Variants in FRMD8 observed in about 807,000 individuals in gnomAD.
FRMD8 encodes FERM domain containing 8.
FRMD8 carries 37 observed loss-of-function variants against 54.2 expected under a neutral mutation model. The ratio of observed to expected loss-of-function variants is 0.68; its 90% CI spans 0.53 to 0.90. The LOEUF is 0.90. FRMD8 is among the 40% of genes least tolerant of loss of function. The pLI is 0.00. For missense variants in FRMD8, 585 were observed against 653.7 expected (o/e 0.89, Z 1.15); for synonymous variants, 246 against 286.9 (o/e 0.86, Z 1.44).
In FRMD8 at chr11:65,400,002, C is replaced by A. The variant is rs1055732786; in HGVS notation, c.927+143C>A. ...GGACCCTGCCTCCGTTGGATGTCCT[C>A]GTAGCCCCTGAGGGTGATCCTGGGT... On this transcript the variant is annotated intron_variant, in intron 8 of 10. Coordinates refer to ENST00000317568, the MANE Select transcript of FRMD8 (RefSeq NM_031904.5). This position sits in a 1 kb window ranked among gnomAD's most constrained non-coding sequence, Gnocchi z 4.3. 8 of 998,040 alleles carry A rather than the reference C, an allele frequency of 8.0e-6. No individual in the cohort carries two copies. 61.8% of individuals were successfully genotyped at this position (998,040 alleles called of 1,614,324 possible). A position where few individuals can be genotyped will look rare whatever the true frequency, so the allele number is the denominator to read the frequency against.
intron 9 of FRMD8, among the ~76,000 whole-genome samples, chr11:65,403,528 G>C (rs2137921546): frequency 6.6e-6 from 1 of 152,284 alleles, no homozygotes; most frequent in Non-Finnish European, 1.5e-5. Context: ...CTGTGAGTTG[G>C]GACAGCTGGG....
At position 65,389,444 on chromosome 11, in the gene FRMD8, C is replaced by T; in HGVS notation, c.169C>T (p.Leu57=). 1.2e-6 allele frequency: 2 copies of T among 1,609,978 alleles called. No individual in the cohort carries two copies. Among genetic ancestry groups the T allele is most frequent in the Admixed American group, 1.7e-5 (1 of 60,028 alleles). Residue 57 remains leucine (L), a synonymous_variant, in exon 3 of 11, where the codon CTG becomes TTG. Transcript: ENST00000317568. ...ENLPSLSAHE[L]HRAVREVLQL... is the part of the protein sequence containing the mutation. ...CCTGCCCTCGCTCAGTGCCCATGAG[C>T]TGCACCGCGCTGTCCGCGAGGTCCT...
chr11:65,376,162 T>C, the FRMD8 span: 1 of 538,288 alleles, frequency 1.9e-6, no homozygotes, highest in Non-Finnish European at 3.3e-6. Flanking sequence ...TGCCTCATGC[T>C]CCCTGTTTCA....
chr11:65,389,678 C>T, intron 3 of FRMD8, 150 bp downstream of exon 3: 1 of 776,114 alleles, frequency 1.3e-6, no homozygotes, highest in Non-Finnish European at 2.0e-6. Context: ...GAGCTGTCCA[C>T]CTGTCTGAGC....
chr11:65,405,004 G>A lies in FRMD8; in HGVS notation c.1212G>A (p.Arg404=). Residue 404 remains arginine, a synonymous_variant, in exon 10 of 11, where the codon CGG becomes CGA. Coordinates refer to ENST00000317568, the MANE Select transcript of FRMD8 (RefSeq NM_031904.5). The part of the protein sequence containing the change: ...SLAPVQRPKL[R]RQGSVVSSRI... The stretch of plus-strand genomic sequence containing the variant: ...CTCCTGTTCAGCGCCCCAAGCTGCG[G>A]AGGCAGGGCAGTGTGGTGTCCAGCC... 3 of 1,613,388 alleles carry A rather than the reference G, an allele frequency of 1.9e-6. No homozygotes were observed. The highest frequency in any genetic ancestry group is 2.5e-6 in the Non-Finnish European group (3 of 1,180,038).
chr11:65,380,903 C>A, the FRMD8 span: 1 of 255,550 alleles, frequency 3.9e-6, no homozygotes, highest in Non-Finnish European at 8.0e-6. Context: ...CTCAGGACAG[C>A]AGGTGAGGTC....
the FRMD8 span, chr11:65,379,194 C>A: frequency 1.5e-6 from 1 of 674,700 alleles, no homozygotes; most frequent in East Asian, 2.9e-5. Context: ...CTTTTGCCCC[C>A]TCTGTTCCCC....
chr11:65,370,759 T>C, the FRMD8 span, among the ~76,000 whole-genome samples: 1 of 150,736 alleles, frequency 6.6e-6, no homozygotes, highest in African/African-American at 2.4e-5. Flanking sequence ...GCTGTGCTGT[T>C]AGGATTGGTA....
upstream of FRMD8, chr11:65,381,839 T>C (rs1368314555): frequency 6.3e-7 from 1 of 1,588,812 alleles, no homozygotes; most frequent in Admixed American, 1.7e-5. Context: ...TCTCTGCTCC[T>C]CCCATGTCAC....
the FRMD8 span, among the ~76,000 whole-genome samples, chr11:65,374,231 ACGTAGTATGGTCCCGG>A: frequency 6.9e-6 from 1 of 144,900 alleles, no homozygotes; most frequent in Non-Finnish European, 1.6e-5. Flanking sequence ...TGAGCACGTG[ACGTAGTATGGTCCCGG>A]CAGGTCTAGC....
Position 65,400,466 on chromosome 11 carries a change from C to T in FRMD8, c.928-258C>T, listed in dbSNP as rs767375851. 5.6e-4 allele frequency among the ~76,000 whole-genome samples: 86 copies of T among 152,332 alleles called. No individual in the cohort carries two copies. The highest frequency in any genetic ancestry group is 3.4e-3 in the Middle Eastern group (1 of 294). On this transcript the variant is annotated intron_variant, in intron 8 of 10. Transcript: ENST00000317568. This position sits in a 1 kb window ranked among gnomAD's most constrained non-coding sequence, Gnocchi z 4.3. ...ACTCCGCTTCCCCACCTGCCTCCTC[C>T]CCCACGTGCCTCCCCCGCTGTCAGG...
Position 65,404,454 on chromosome 11 carries a change from G to A in FRMD8, c.1072-410G>A, listed in dbSNP as rs1856146215. ...GGGAGCCGCCCGCCCCTGCCCTGGT[G>A]ACATCGCGCCCCTTCCTCCTGGCTG... On this transcript the variant is annotated intron_variant, in intron 9 of 10. Coordinates refer to ENST00000317568, the MANE Select transcript of FRMD8 (RefSeq NM_031904.5). The surrounding 1 kb of genome is among the most constrained non-coding windows in gnomAD (Gnocchi z 4.7). 6.6e-6 allele frequency among the ~76,000 whole-genome samples: 1 copy of A among 151,888 alleles called. No individual in the cohort carries two copies. The highest frequency in any genetic ancestry group is 1.5e-5 in the Non-Finnish European group (1 of 67,940).
chr11:65,396,537 A>G (rs1315575104), intron 6 of FRMD8, among the ~76,000 whole-genome samples: 2 of 152,122 alleles, frequency 1.3e-5, no homozygotes, highest in Non-Finnish European at 2.9e-5. Context: ...GGCGCAGGAC[A>G]GGAGGTGCCT....
chr11:65,407,870 C>T (rs1258809774), intron 10 of FRMD8, among the ~76,000 whole-genome samples: 1 of 124,116 alleles, frequency 8.1e-6, no homozygotes, highest in South Asian at 2.8e-4. Flanking sequence ...GGCGACAGAG[C>T]GAGACTCTGT....
chr11:65,396,296 C>T (rs545960972), intron 6 of FRMD8, among the ~76,000 whole-genome samples: 223 of 152,274 alleles, frequency 1.5e-3, no homozygotes, highest in African/African-American at 5.0e-3. Context: ...AGGTGGGGCC[C>T]GGGTTCCTGT....
chr11:65,407,616 C>T (rs1157447577), intron 10 of FRMD8, among the ~76,000 whole-genome samples: 1 of 150,796 alleles, frequency 6.6e-6, no homozygotes, highest in African/African-American at 2.4e-5. Context: ...AATGGCCAGG[C>T]GTGGTGGCTC....
intron 3 of FRMD8, among the ~76,000 whole-genome samples, chr11:65,391,713 G>A (rs1565598752): frequency 1.3e-5 from 2 of 152,092 alleles, no homozygotes; most frequent in South Asian, 4.1e-4. Flanking sequence ...GTTTTCCCAC[G>A]TTGAGCAGGC....
In FRMD8 at chr11:65,411,417, C is replaced by A; in HGVS notation, c.*57C>A. 1 of 1,202,470 alleles carries A rather than the reference C, an allele frequency of 8.3e-7. No homozygotes were observed. The allele number at this position is 1,202,470 out of a possible 1,614,324, so 74.5% of individuals were successfully genotyped here. A position where few individuals can be genotyped will look rare whatever the true frequency, so the allele number is the denominator to read the frequency against. Reference sequence around the variant, plus strand: ...GGGGGCCCTGGCCCGGCACTGTCCTCCTGAGGGGCAGGCGCCGGCTGCAAC... The same window carrying A: ...GGGGGCCCTGGCCCGGCACTGTCCTACTGAGGGGCAGGCGCCGGCTGCAAC... On this transcript the variant is annotated 3_prime_UTR_variant, in exon 11 of 11. Coordinates refer to ENST00000317568, the MANE Select transcript of FRMD8 (RefSeq NM_031904.5).
Position 65,396,974 on chromosome 11 carries a change from CACT to C in FRMD8, c.760_762del (p.Tyr254del). On this transcript the variant is annotated inframe_deletion, in exon 7 of 11. Transcript: ENST00000317568. ...CGGGTGCGAGGCCGCCCTGGGCACC[CACT>C]ACCGCGCCTATCTCCTCAAGTGCCA... The C allele has an allele frequency of 1.3e-6, 2 of 1,492,118 alleles. No individual in the cohort carries two copies. The highest frequency in any genetic ancestry group is 2.6e-5 in the South Asian group (2 of 76,686). 92.4% of individuals were successfully genotyped at this position (1,492,118 alleles called of 1,614,324 possible). A position where few individuals can be genotyped will look rare whatever the true frequency, so the allele number is the denominator to read the frequency against.
Sources: allele counts gnomAD v4.1 joint callset (sites outside exome capture counted in the v4.1 genomes callset), GRCh38; gene constraint gnomAD v4.1.1; non-coding constraint Gnocchi (gnomAD v3.1); transcripts MANE v1.5; gene names NCBI Gene and HGNC (gene_info 2026-07-23, HGNC 2026-07-21).